Variants in TXLNG observed in about 807,000 individuals in gnomAD.
TXLNG encodes taxilin gamma, also known as gamma-taxilin.
TXLNG carries 5 observed loss-of-function variants against 38.8 expected under a neutral mutation model. The observed-to-expected ratio is 0.13, with a 90% confidence interval of 0.07 to 0.27. The LOEUF is 0.27. TXLNG is among the 10% of genes least tolerant of loss of function. TXLNG has a pLI of 1.00. For synonymous variants in TXLNG, 182 were observed against 158.2 expected (o/e 1.15, Z -1.13); for missense variants, 393 against 398.2 (o/e 0.99, Z 0.11).
intron 1 of TXLNG, among the ~76,000 whole-genome samples, chrX:16,787,271 C>G (rs1013689294): frequency 3.6e-5 from 4 of 111,855 alleles, no homozygotes; most frequent in Non-Finnish European, 5.7e-5. Flanking sequence ...CACGTGGGGC[C>G]GGGGATGGAT....
chrX:16,835,790 A>G (rs1478860530), intron 7 of TXLNG, among the ~76,000 whole-genome samples: 2 of 111,782 alleles, frequency 1.8e-5, no homozygotes, highest in Admixed American at 1.9e-4. Flanking sequence ...CTCTGCCCTC[A>G]CCATGTCATT....
At chrX:16,837,149 CCCAA>C in intron 7 of TXLNG, among the ~76,000 whole-genome samples, 1 of 111,890 alleles carries the variant, frequency 8.9e-6, no homozygotes, top group South Asian at 3.7e-4. Flanking sequence ...ATTCTTCTTC[CCCAA>C]CCAAACCAAT....
chrX:16,805,702 A>G (rs1411822245), intron 1 of TXLNG, among the ~76,000 whole-genome samples: 2 of 112,372 alleles, frequency 1.8e-5, no homozygotes, highest in Admixed American at 9.5e-5. Context: ...ACAGTGCTAT[A>G]TAACTTAGGA....
At chrX:16,798,485 A>G (rs1927965384) in intron 1 of TXLNG, among the ~76,000 whole-genome samples, 1 of 111,852 alleles carries the variant, frequency 8.9e-6, no homozygotes. Flanking sequence ...TATTTAAAAC[A>G]TGTTCCATAG....
At chrX:16,800,257 A>T (rs1162655979) in intron 1 of TXLNG, among the ~76,000 whole-genome samples, 3 of 108,464 alleles carry the variant, frequency 2.8e-5, no homozygotes, top group Non-Finnish European at 1.9e-5. Context: ...TATTATTTTT[A>T]ATTTTTTATT....
At chrX:16,802,106 A>AC (rs1928119405) in intron 1 of TXLNG, among the ~76,000 whole-genome samples, 1 of 107,009 alleles carries the variant, frequency 9.3e-6, no homozygotes, top group Non-Finnish European at 1.9e-5. Context: ...GGCATACACC[A>AC]CCACGCCTGG....
At chrX:16,829,452 G>A in intron 4 of TXLNG, 124 bp from the exon 5 acceptor site, 2 of 634,649 alleles carry the variant, frequency 3.2e-6, no homozygotes, top group Non-Finnish European at 4.7e-6. Flanking sequence ...ATAAGGGGGA[G>A]GAATTGTAGT....
At chrX:16,836,236 T>A (rs1387805162) in intron 7 of TXLNG, among the ~76,000 whole-genome samples, 1 of 112,107 alleles carries the variant, frequency 8.9e-6, no homozygotes, top group Non-Finnish European at 1.9e-5. Context: ...CACTCCAGCC[T>A]GAGCGACAGA....
At chrX:16,798,698 G>C (rs1822348060) in intron 1 of TXLNG, among the ~76,000 whole-genome samples, 1 of 109,604 alleles carries the variant, frequency 9.1e-6, no homozygotes, top group Non-Finnish European at 1.9e-5. Context: ...CAAGCCTCCT[G>C]CTTCAGCCTC....
chrX:16,816,817 T>C (rs1173729632), intron 1 of TXLNG, among the ~76,000 whole-genome samples: 1 of 112,180 alleles, frequency 8.9e-6, no homozygotes, highest in African/African-American at 3.2e-5. Flanking sequence ...ATGTATAAAT[T>C]GCAACTTTTA....
chrX:16,828,365 C>T, intron 4 of TXLNG, 101 bp downstream of exon 4: 1 of 831,971 alleles, frequency 1.2e-6, no homozygotes. Flanking sequence ...TACTTGGAGA[C>T]AGATACTGCC....
chrX:16,841,548 G>A lies in TXLNG; in HGVS notation c.1369G>A (p.Glu457Lys), dbSNP rs1475935775. The A allele has an allele frequency of 9.1e-6, 11 of 1,212,006 alleles. No individual in the cohort carries two copies. Among genetic ancestry groups the A allele is most frequent in the Non-Finnish European group, 1.2e-5 (11 of 895,605 alleles). The change falls in exon 10 of 10, where the codon GAG (glutamate) becomes AAG (lysine). Residue 457 changes from glutamate to lysine, a missense_variant. By Grantham distance (56) the Glu-to-Lys change is moderately conservative (BLOSUM62 1). Coordinates refer to ENST00000380122, the MANE Select transcript of TXLNG (RefSeq NM_018360.3). ...ELNEKVEVLKEQVSIKAAIKA... is the reference protein window; with the variant it reads ...ELNEKVEVLKKQVSIKAAIKA... Reference sequence around the variant, plus strand: ...CAATGAGAAGGTGGAAGTCCTGAAAGAGCAGGTATCCATCAAAGCGGCCAT... The same window carrying A: ...CAATGAGAAGGTGGAAGTCCTGAAAAAGCAGGTATCCATCAAAGCGGCCAT...
rs1929944307 is a variant in TXLNG at position 16,843,454 on chromosome X, G to C, written c.*1688G>C. ...ATCTAATTACCATCAAAATGAGTCA[G>C]AAGCAAAAAACACCACCCTCCAACA... On this transcript the variant is annotated 3_prime_UTR_variant, in exon 10 of 10. Transcript: ENST00000380122. The C allele has an allele frequency of 9.0e-6, 1 of 111,595 alleles. No individual in the cohort carries two copies. The highest frequency in any genetic ancestry group is 3.3e-5 in the African/African-American group (1 of 30,703). The allele number at this position is 111,595 out of a possible 1,213,427, so 9.2% of individuals were successfully genotyped here.
intron 6 of TXLNG, among the ~76,000 whole-genome samples, chrX:16,834,077 A>G (rs1179780625): frequency 8.9e-6 from 1 of 112,449 alleles, no homozygotes; most frequent in East Asian, 2.8e-4. Context: ...CTTCAGCAAT[A>G]AAAAGATTGT....
chrX:16,821,866 C>T lies in TXLNG; in HGVS notation c.498+1611C>T, dbSNP rs1342614987. ...AAAATTAGCCTGGCATGGTGGCAGG[C>T]GCCTGTAGTCCCAGCTACTCGGGAG... On this transcript the variant is annotated intron_variant, in intron 3 of 9. Transcript: ENST00000380122. Among the ~76,000 whole-genome samples the T allele has an allele frequency of 1.3e-4, 14 of 107,452 alleles. No individual in the cohort carries two copies. The East Asian group carries it at 2.7e-3, about 21-fold the overall frequency. The allele number at this position is 107,452 out of a possible 115,157, so 93.3% of individuals were successfully genotyped here.
intron 5 of TXLNG, among the ~76,000 whole-genome samples, chrX:16,832,082 A>C (rs920622850): frequency 8.9e-6 from 1 of 112,200 alleles, no homozygotes; most frequent in Non-Finnish European, 1.9e-5. Flanking sequence ...AGGTAGGTGG[A>C]GGTATCCCCC....
intron 7 of TXLNG, among the ~76,000 whole-genome samples, chrX:16,835,153 A>G (rs190446617): frequency 4.2e-4 from 47 of 110,816 alleles, no homozygotes; most frequent in Admixed American, 3.1e-3. Flanking sequence ...CTACCTATAC[A>G]TTCATCCTTT....
At chrX:16,797,145 G>C (rs931337220) in intron 1 of TXLNG, among the ~76,000 whole-genome samples, 1 of 109,898 alleles carries the variant, frequency 9.1e-6, no homozygotes, top group Non-Finnish European at 1.9e-5. Flanking sequence ...TTAGCCAGAC[G>C]TGGTGGCGCA....
intron 3 of TXLNG, among the ~76,000 whole-genome samples, chrX:16,821,717 G>A (rs928466321): frequency 1.6e-4 from 18 of 111,380 alleles, no homozygotes; most frequent in South Asian, 1.1e-3. Context: ...GAGGCTGGGC[G>A]CGGTGGCTCA....
Sources: allele counts gnomAD v4.1 joint callset (sites outside exome capture counted in the v4.1 genomes callset), GRCh38; gene constraint gnomAD v4.1.1; transcripts MANE v1.5; gene names NCBI Gene and HGNC (gene_info 2026-07-23, HGNC 2026-07-21).